The following SLCO1B1 variants were observed in gnomAD, a reference collection of about 807,000 sequenced individuals.
SLCO1B1 encodes OATP-2.
Under a neutral mutation model 70.1 loss-of-function variants are expected in SLCO1B1, and 81 were observed. That is an observed-to-expected ratio of 1.16 (90% CI 0.97 to 1.39). SLCO1B1 has a LOEUF of 1.39. Ranked by LOEUF, SLCO1B1 falls within the 40% of genes most tolerant of loss-of-function variation. The pLI is 0.00. For synonymous variants in SLCO1B1, 283 were observed against 271.5 expected (o/e 1.04, Z -0.42); for missense variants, 895 against 799.6 (o/e 1.12, Z -1.44).
chr12:21,144,825 A>G (rs1297257395), intron 2 of SLCO1B1, among the ~76,000 whole-genome samples: 2 of 152,180 alleles, frequency 1.3e-5, no homozygotes, highest in East Asian at 3.9e-4. Flanking sequence ...AAGCTTCATA[A>G]GTAAAGAAAA....
At chr12:21,218,186 G>C (rs1224855115) in intron 12 of SLCO1B1, among the ~76,000 whole-genome samples, 1 of 152,124 alleles carries the variant, frequency 6.6e-6, no homozygotes, top group East Asian at 1.9e-4. Flanking sequence ...TGGTGTGTTT[G>C]AGAAATGAAA....
chr12:21,188,325 G>A (rs1470020536), intron 7 of SLCO1B1, among the ~76,000 whole-genome samples: 1 of 151,776 alleles, frequency 6.6e-6, no homozygotes, highest in Non-Finnish European at 1.5e-5. Flanking sequence ...ATCTTATGAT[G>A]GTCCACTTCA....
At position 21,195,661 on chromosome 12, in the gene SLCO1B1, C is replaced by T. The variant is rs534941351; in HGVS notation, c.728-1285C>T. ...TTTGTGGTCGAAATATTTCCCTCCCCATAGAGAAGCTGGAGTTAAGTTTTT... is the reference window on the plus strand; with the variant it reads ...TTTGTGGTCGAAATATTTCCCTCCCTATAGAGAAGCTGGAGTTAAGTTTTT... On this transcript the variant is annotated intron_variant, in intron 7 of 14. Coordinates refer to ENST00000256958, the MANE Select transcript of SLCO1B1 (RefSeq NM_006446.5). Among the ~76,000 whole-genome samples, 24 of 152,250 alleles carry T rather than the reference C, an allele frequency of 1.6e-4. No individual in the cohort carries two copies. In the South Asian group the frequency reaches 4.8e-3, roughly 30 times the overall value.
At position 21,172,776 on chromosome 12, in the gene SLCO1B1, G is replaced by T; in HGVS notation, c.211G>T (p.Gly71Ter). 2.5e-6 allele frequency: 4 copies of T among 1,612,894 alleles called. No homozygotes were observed. Among genetic ancestry groups the T allele is most frequent in the Non-Finnish European group, 3.4e-6 (4 of 1,179,510 alleles). The change falls in exon 3 of 15, where the codon GGA becomes TGA. Residue 71 changes from glycine (G) to a stop codon, truncating the protein, a stop_gained. Transcript: ENST00000256958. LOFTEE classifies it high-confidence loss of function. ...ISSSLVGFID[G>*]SFEIGNLLVI... ...CTCTTCTCTTGTTGGTTTTATTGAC[G>T]GAAGCTTTGAAATTGGTAACATTTA...
At position 21,141,606 on chromosome 12, in the gene SLCO1B1, CA is replaced by C; in HGVS notation, c.33del (p.Glu12ArgfsTer16). 1 of 1,608,542 alleles carries C rather than the reference CA, an allele frequency of 6.2e-7. No individual in the cohort carries two copies. Reference sequence around the variant, plus strand: ...CAAAATCAACATTTGAATAAAACAGCAGAGGCACAACCTTCAGAGAATAAGA... The same window carrying C: ...CAAAATCAACATTTGAATAAAACAGCGAGGCACAACCTTCAGAGAATAAGA... MDQNQHLNKTAEAQPSENKKT... is the reference protein window; with the variant it reads MDQNQHLNKTXEAQPSENKKT... On this transcript the variant is annotated frameshift_variant, in exon 2 of 15. Transcript: ENST00000256958. LOFTEE classifies it high-confidence loss of function.
chr12:21,184,756 G>A (rs1041365271), intron 7 of SLCO1B1, among the ~76,000 whole-genome samples: 10 of 151,994 alleles, frequency 6.6e-5, no homozygotes, highest in Admixed American at 4.6e-4. Context: ...AAAATCTCAC[G>A]TATCAATAAT....
chr12:21,197,683 C>A, intron 8 of SLCO1B1, among the ~76,000 whole-genome samples: 1 of 152,138 alleles, frequency 6.6e-6, no homozygotes, highest in South Asian at 2.1e-4. Context: ...TAACTATTAT[C>A]AGGTGTAGAG....
intron 11 of SLCO1B1, among the ~76,000 whole-genome samples, chr12:21,213,966 C>T (rs1941322082): frequency 6.6e-6 from 1 of 150,670 alleles, no homozygotes. Context: ...ATACATTCTT[C>T]TAAATTTTTT....
At chr12:21,210,654 A>G (rs1463496999) in intron 11 of SLCO1B1, among the ~76,000 whole-genome samples, 4 of 150,020 alleles carry the variant, frequency 2.7e-5, no homozygotes, top group African/African-American at 9.8e-5. Context: ...CTTGGGCAGT[A>G]TGGCCATTTT....
chr12:21,169,918 C>T (rs947006077), intron 2 of SLCO1B1, among the ~76,000 whole-genome samples: 1 of 152,142 alleles, frequency 6.6e-6, no homozygotes, highest in African/African-American at 2.4e-5. Flanking sequence ...CTGTGGCCTA[C>T]TCATGCTTTT....
intron 14 of SLCO1B1, among the ~76,000 whole-genome samples, chr12:21,232,659 T>C (rs2121205831): frequency 6.6e-6 from 1 of 151,996 alleles, no homozygotes; most frequent in African/African-American, 2.4e-5. Context: ...GTCTCAAAAA[T>C]TCATTTTTCT....
intron 7 of SLCO1B1, among the ~76,000 whole-genome samples, chr12:21,188,460 G>A (rs1193673553): frequency 1.3e-5 from 2 of 152,072 alleles, no homozygotes; most frequent in East Asian, 3.8e-4. Context: ...TTAATCAACT[G>A]TTTATGTTAT....
intron 4 of SLCO1B1, among the ~76,000 whole-genome samples, chr12:21,176,516 T>C (rs1049100149): frequency 3.3e-5 from 5 of 152,072 alleles, no homozygotes; most frequent in Admixed American, 2.6e-4. Context: ...TTGACCAAGA[T>C]ATAACCACTC....
chr12:21,178,510 T>C, intron 5 of SLCO1B1, 66 bp from the exon 6 acceptor site: 2 of 1,103,172 alleles, frequency 1.8e-6, no homozygotes. Flanking sequence ...AGTTTACAAG[T>C]AGTTAAATTT....
At chr12:21,212,128 C>A (rs1340592893) in intron 11 of SLCO1B1, among the ~76,000 whole-genome samples, 29 of 135,132 alleles carry the variant, frequency 2.1e-4, no homozygotes, top group African/African-American at 8.1e-4. Context: ...TTTGCTCTTG[C>A]TTTTCTAGTT....
intron 14 of SLCO1B1, among the ~76,000 whole-genome samples, chr12:21,236,067 T>G (rs1941593401): frequency 6.6e-6 from 1 of 152,118 alleles, no homozygotes; most frequent in Non-Finnish European, 1.5e-5. Context: ...CATACTATAG[T>G]ATGTTTTGTA....
intron 14 of SLCO1B1, among the ~76,000 whole-genome samples, chr12:21,230,869 A>G (rs886647626): frequency 1.3e-5 from 2 of 151,950 alleles, no homozygotes; most frequent in Non-Finnish European, 2.9e-5. Flanking sequence ...CATGTGCACA[A>G]TGTGCTGGTT....
intron 14 of SLCO1B1, 106 bp from the exon 15 acceptor site, chr12:21,238,868 ATATTT>A (rs1466829204): frequency 6.7e-6 from 4 of 595,364 alleles, no homozygotes; most frequent in East Asian, 3.2e-5. Context: ...TATTGTCTTA[ATATTT>A]TATTTATAAT....
intron 1 of SLCO1B1, among the ~76,000 whole-genome samples, chr12:21,133,120 T>G (rs2121018617): frequency 6.6e-6 from 1 of 152,288 alleles, no homozygotes; most frequent in South Asian, 2.1e-4. Flanking sequence ...TTTTCTCAGG[T>G]TTGTCAAAGA....
Sources: allele counts gnomAD v4.1 joint callset (sites outside exome capture counted in the v4.1 genomes callset), GRCh38; gene constraint gnomAD v4.1.1; transcripts MANE v1.5; gene names NCBI Gene and HGNC (gene_info 2026-07-23, HGNC 2026-07-21).